RBFOX1: variants seen among roughly 807,000 people sequenced by gnomAD.
RBFOX1 encodes the protein RNA binding fox-1 homolog 1, also known as RNA binding protein fox-1 homolog 1.
Under a neutral mutation model 57.7 loss-of-function variants are expected in RBFOX1, and 8 were observed. The ratio of observed to expected loss-of-function variants is 0.14; its 90% CI spans 0.08 to 0.25. The LOEUF is 0.25. RBFOX1 is among the 10% of genes least tolerant of loss of function. The probability of loss-of-function intolerance (pLI) is 1.00; values close to 1 mark genes in which losing one functional copy is unlikely to be tolerated. For synonymous variants in RBFOX1, 326 were observed against 222.4 expected, an observed-to-expected ratio of 1.47 and a Z score of -4.15; for missense variants, 611 against 548.5, an observed-to-expected ratio of 1.11 and a Z score of -1.14.
chr16:5,666,923 G>C (rs2049863403), intron 3 of RBFOX1, among the ~76,000 whole-genome samples: 1 of 152,292 alleles, frequency 6.6e-6, no homozygotes, highest in East Asian at 1.9e-4. Context: ...GGATTGCCCT[G>C]TGTGTTTCAT....
chr16:5,686,612 C>G lies in RBFOX1; in HGVS notation c.318+87651C>G, dbSNP rs76210700. ...ATTTGGTCTGGTGTTTGACTACTGC[C>G]TCCCCTAGAGGCCATATGAATTGAT... On this transcript the variant is annotated intron_variant, in intron 3 of 19. Coordinates refer to the RBFOX1 transcript ENST00000641259. Among the ~76,000 whole-genome samples the G allele has an allele frequency of 7.0e-3, 1,064 of 152,120 alleles. 15 individuals carry two copies. The highest frequency in any genetic ancestry group is 0.024 in the African/African-American group (1,015 of 41,496).
chr16:5,605,296 T>C (rs937260282), intron 3 of RBFOX1, among the ~76,000 whole-genome samples: 1 of 152,220 alleles, frequency 6.6e-6, no homozygotes, highest in African/African-American at 2.4e-5. Flanking sequence ...AGGCTCTTTC[T>C]GCTCTCACGT....
chr16:5,660,616 A>G (rs1408690526), intron 3 of RBFOX1, among the ~76,000 whole-genome samples: 1 of 152,110 alleles, frequency 6.6e-6, no homozygotes, highest in Non-Finnish European at 1.5e-5. Context: ...CTGTTTAGAT[A>G]ATTTTCACAT....
chr16:7,000,073 GAA>G (rs58878438), intron 3 of RBFOX1, among the ~76,000 whole-genome samples: 1 of 134,794 alleles, frequency 7.4e-6, no homozygotes. Context: ...CTGTTTCAAA[GAA>G]AAAAAAAAAA....
intron 1 of RBFOX1, among the ~76,000 whole-genome samples, chr16:6,157,203 T>C (rs2096844540): frequency 6.6e-6 from 1 of 152,138 alleles, no homozygotes; most frequent in African/African-American, 2.4e-5. Flanking sequence ...TTATATTCCC[T>C]TTAAAGTGTA....
intron 1 of RBFOX1, among the ~76,000 whole-genome samples, chr16:6,151,999 A>T (rs920576084): frequency 2.6e-5 from 4 of 152,220 alleles, no homozygotes; most frequent in Admixed American, 2.0e-4. Flanking sequence ...GTGAATAGCC[A>T]TTCCTTGGGT....
intron 1 of RBFOX1, among the ~76,000 whole-genome samples, chr16:6,282,587 C>T (rs151320970): frequency 1.1e-3 from 160 of 152,048 alleles, no homozygotes; most frequent in African/African-American, 3.2e-3. Context: ...CTCCCTGTGT[C>T]CGTGTGTTCT....
intron 4 of RBFOX1, among the ~76,000 whole-genome samples, chr16:7,452,768 A>G (rs2057626840): frequency 6.6e-6 from 1 of 152,180 alleles, no homozygotes; most frequent in African/African-American, 2.4e-5. Flanking sequence ...AAGACCATGT[A>G]GATTACTTAG....
chr16:6,414,778 G>A (rs1304192655), intron 2 of RBFOX1, among the ~76,000 whole-genome samples: 1 of 152,112 alleles, frequency 6.6e-6, no homozygotes, highest in Non-Finnish European at 1.5e-5. Context: ...TTTACTTTTA[G>A]TGGACATTTG....
chr16:6,495,272 C>T (rs1425636581), intron 2 of RBFOX1, among the ~76,000 whole-genome samples: 4 of 152,162 alleles, frequency 2.6e-5, no homozygotes, highest in South Asian at 2.1e-4. Flanking sequence ...GTGCCCGCCA[C>T]CATGCCTGGC....
chr16:6,326,852 C>T (rs866276927), intron 2 of RBFOX1, among the ~76,000 whole-genome samples: 4 of 152,134 alleles, frequency 2.6e-5, no homozygotes, highest in African/African-American at 9.7e-5. Flanking sequence ...AGAGCATAAT[C>T]ACACACTACA....
chr16:6,243,871 A>G (rs931145663), intron 1 of RBFOX1, among the ~76,000 whole-genome samples: 1 of 152,170 alleles, frequency 6.6e-6, no homozygotes, highest in African/African-American at 2.4e-5. Context: ...TATATCTGAG[A>G]TGAAGAGAGG....
At chr16:7,533,521 A>G (rs1280911407) in intron 5 of RBFOX1, among the ~76,000 whole-genome samples, 3 of 152,236 alleles carry the variant, frequency 2.0e-5, no homozygotes, top group African/African-American at 7.2e-5. Context: ...AAATGCATTT[A>G]ATACACTTCC....
chr16:7,269,544 T>G (rs939116060), intron 4 of RBFOX1, among the ~76,000 whole-genome samples: 8 of 152,142 alleles, frequency 5.3e-5, no homozygotes, highest in African/African-American at 1.7e-4. Context: ...ATCGTATAAT[T>G]TTTTACTTGG....
intron 4 of RBFOX1, among the ~76,000 whole-genome samples, chr16:5,910,087 T>G (rs2058570537): frequency 6.8e-6 from 1 of 147,870 alleles, no homozygotes; most frequent in Non-Finnish European, 1.5e-5. Flanking sequence ...AAAAGAAAAA[T>G]AAATCTTTGG....
chr16:5,784,969 A>C (rs773258292), intron 3 of RBFOX1, among the ~76,000 whole-genome samples: 23 of 152,172 alleles, frequency 1.5e-4, no homozygotes, highest in Admixed American at 7.2e-4. Context: ...TAGCAGCCCA[A>C]ACAGACTAAG....
In RBFOX1 at chr16:6,740,376, A is replaced by G. The variant is rs553016895; in HGVS notation, c.-16+85726A>G. Among the ~76,000 whole-genome samples the G allele has an allele frequency of 3.9e-5, 6 of 152,330 alleles. No homozygotes were observed. In the South Asian group the frequency reaches 1.2e-3, roughly 32 times the overall value. On this transcript the variant is annotated intron_variant, in intron 3 of 15. Coordinates refer to ENST00000550418, the MANE Select transcript of RBFOX1 (RefSeq NM_018723.4). ...AGACACCACTGCTATTCAACATAGT[A>G]GGGAATTTCTAAACAGTGCAATAAG...
At chr16:7,709,821 A>G (rs1404676556) in intron 15 of RBFOX1, 6 of 1,263,016 alleles carry the variant, frequency 4.8e-6, no homozygotes, top group East Asian at 4.3e-5. Context: ...TCAAACTTCT[A>G]TGCACTGAAA....
chr16:6,864,995 CTTTTTTTTTTTTTT>C (rs34341448), intron 3 of RBFOX1, among the ~76,000 whole-genome samples: 1 of 82,566 alleles, frequency 1.2e-5, no homozygotes, highest in Non-Finnish European at 2.1e-5. Context: ...TTTTCTTTTT[CTTTTTTTTTTTTTT>C]TTTTTTTTTT....
Sources: gnomAD v4.1 joint callset for allele counts (sites outside exome capture counted in the v4.1 genomes callset) on GRCh38, gnomAD v4.1.1 for gene constraint, MANE v1.5 for transcripts, NCBI Gene and HGNC (gene_info 2026-07-23, HGNC 2026-07-21) for gene names.